CRYBG3: variants seen among roughly 807,000 people sequenced by gnomAD.
CRYBG3 encodes the protein crystallin beta-gamma domain containing 3.
In CRYBG3, 127 loss-of-function variants were observed where a neutral mutation model predicts 244.2. The observed-to-expected ratio is 0.52, with a 90% confidence interval of 0.45 to 0.60. CRYBG3 has a LOEUF of 0.60. Ranked by LOEUF, CRYBG3 falls within the 20% of genes least tolerant of loss-of-function variation. CRYBG3 has a pLI of 0.00. For synonymous variants in CRYBG3, 1,132 were observed against 1,195.8 expected, an observed-to-expected ratio of 0.95 and a Z score of 1.10; for missense variants, 3,325 against 3,442.5, an observed-to-expected ratio of 0.97 and a Z score of 0.85.
At chr3:97,925,624 A>G (rs762692721) in intron 17 of CRYBG3, among the ~76,000 whole-genome samples, 51 of 152,234 alleles carry the variant, frequency 3.4e-4, no homozygotes, top group Non-Finnish European at 6.3e-4. Context: ...TTTAAAAACA[A>G]AAGATGCATA....
At position 97,876,069 on chromosome 3, in the gene CRYBG3, G is replaced by A. The variant is rs922505369; in HGVS notation, c.4875G>A (p.Lys1625=). 7 of 1,231,900 alleles carry A rather than the reference G, an allele frequency of 5.7e-6. No homozygotes were observed. The African/African-American group carries it at 7.8e-5, about 14-fold the overall frequency. The allele number at this position is 1,231,900 out of a possible 1,614,324, so 76.3% of individuals were successfully genotyped here. A position where few individuals can be genotyped will look rare whatever the true frequency, so the allele number is the denominator to read the frequency against. ...ILGMEKAYKM[K]DTEGDIGKIE... Reference sequence around the variant, plus strand: ...GAATGGAAAAAGCTTATAAGATGAAGGATACTGAAGGGGATATTGGCAAAA... The same window carrying A: ...GAATGGAAAAAGCTTATAAGATGAAAGATACTGAAGGGGATATTGGCAAAA... Residue 1625 remains lysine, a synonymous_variant, in exon 4 of 22, where the codon AAG becomes AAA. Transcript: ENST00000389622.
intron 3 of CRYBG3, among the ~76,000 whole-genome samples, chr3:97,869,006 T>C (rs945099435): frequency 6.6e-6 from 1 of 150,934 alleles, no homozygotes; most frequent in Non-Finnish European, 1.5e-5. Context: ...GTTAAAACTT[T>C]GAAAAAAAAA....
intron 1 of CRYBG3, among the ~76,000 whole-genome samples, chr3:97,841,063 T>A (rs1002530292): frequency 6.6e-6 from 1 of 151,882 alleles, no homozygotes; most frequent in Non-Finnish European, 1.5e-5. Flanking sequence ...TATGAGAAAT[T>A]CTTATTTTAT....
chr3:97,924,948 A>G (rs2040022505), intron 17 of CRYBG3, among the ~76,000 whole-genome samples: 1 of 152,070 alleles, frequency 6.6e-6, no homozygotes, highest in South Asian at 2.1e-4. Context: ...ACAGCAAGCC[A>G]CAGAATATAT....
In CRYBG3 at chr3:97,864,377, G is replaced by C; in HGVS notation, c.377G>C (p.Gly126Ala). 1 of 1,535,876 alleles carries C rather than the reference G, an allele frequency of 6.5e-7. No individual in the cohort carries two copies. The highest frequency in any genetic ancestry group is 8.7e-7 in the Non-Finnish European group (1 of 1,146,812). Reference sequence around the variant, plus strand: ...AAAGAAAGCTTTTTTCAGTTTCTTGGTAACTTATTCAATATCTCGGGGAAA... The same window carrying C: ...AAAGAAAGCTTTTTTCAGTTTCTTGCTAACTTATTCAATATCTCGGGGAAA... ...QPKESFFQFL[G>A]NLFNISGKSS... The change falls in exon 3 of 22, where the codon GGT (glycine) becomes GCT (alanine). Residue 126 changes from glycine to alanine, a missense_variant. Physicochemically the swap from Gly to Ala is moderately conservative, Grantham distance 60 (BLOSUM62 0). Transcript: ENST00000389622.
intron 2 of CRYBG3, among the ~76,000 whole-genome samples, chr3:97,859,800 A>G (rs927504035): frequency 1.1e-4 from 16 of 152,162 alleles, no homozygotes; most frequent in African/African-American, 3.6e-4. Context: ...ATAAGGCTTT[A>G]GCCACTCTCC....
intron 10 of CRYBG3, among the ~76,000 whole-genome samples, chr3:97,891,514 A>G (rs933874790): frequency 5.3e-5 from 8 of 152,286 alleles, no homozygotes; most frequent in Admixed American, 2.0e-4. Flanking sequence ...AAAAATAACT[A>G]TAGACGTTAT....
chr3:97,919,810 A>G (rs1315024616), intron 17 of CRYBG3, among the ~76,000 whole-genome samples: 1 of 152,096 alleles, frequency 6.6e-6, no homozygotes, highest in Non-Finnish European at 1.5e-5. Flanking sequence ...TTGTAGAAGA[A>G]AGTTTAAAGG....
At chr3:97,831,649 C>T (rs1173887436) in intron 1 of CRYBG3, among the ~76,000 whole-genome samples, 1 of 152,042 alleles carries the variant, frequency 6.6e-6, no homozygotes, top group East Asian at 1.9e-4. Flanking sequence ...GTGTAATGAT[C>T]AAATCAGGGT....
At chr3:97,862,714 G>A (rs1334594702) in intron 2 of CRYBG3, among the ~76,000 whole-genome samples, 1 of 152,104 alleles carries the variant, frequency 6.6e-6, no homozygotes, top group African/African-American at 2.4e-5. Flanking sequence ...CGGGTGAGGT[G>A]GAGACAACTG....
At chr3:97,856,244 G>A (rs546398455) in intron 2 of CRYBG3, among the ~76,000 whole-genome samples, 1 of 152,206 alleles carries the variant, frequency 6.6e-6, no homozygotes, top group African/African-American at 2.4e-5. Flanking sequence ...GCTCACCAGC[G>A]GTCAGAGTTT....
intron 2 of CRYBG3, among the ~76,000 whole-genome samples, chr3:97,861,977 A>G (rs2039156386): frequency 6.6e-6 from 1 of 152,154 alleles, no homozygotes; most frequent in Non-Finnish European, 1.5e-5. Flanking sequence ...TAAGATTATG[A>G]GGGAAAAATT....
At chr3:97,895,645 ATTATATTTAC>A (rs1161942108) in intron 11 of CRYBG3, among the ~76,000 whole-genome samples, 4 of 152,160 alleles carry the variant, frequency 2.6e-5, no homozygotes, top group African/African-American at 9.6e-5. Context: ...TGCACTTTGT[ATTATATTTAC>A]TTGACACATT....
chr3:97,877,491 A>G lies in CRYBG3; in HGVS notation c.6297A>G (p.Leu2099=). The change falls in exon 4 of 22, where the codon CTA becomes CTG. Residue 2099 remains leucine, a synonymous_variant. Transcript: ENST00000389622. The stretch of plus-strand genomic sequence containing the variant: ...ATGACAGCTCACAGGAGGACATTCT[A>G]TCTAGTGAGGTTTCACCTGGTCACC... ...YEDDSSQEDI[L]SSEVSPGHHG... 8 of 1,614,172 alleles carry G rather than the reference A, an allele frequency of 5.0e-6. No homozygotes were observed. Among genetic ancestry groups the G allele is most frequent in the Middle Eastern group, 1.6e-4 (1 of 6,062 alleles).
chr3:97,826,547 C>T (rs927933391), intron 1 of CRYBG3, among the ~76,000 whole-genome samples: 3 of 152,208 alleles, frequency 2.0e-5, no homozygotes, highest in East Asian at 3.9e-4. Flanking sequence ...ATATAAGAAA[C>T]GTTAGTTACC....
At chr3:97,943,179 G>T in intron 21 of CRYBG3, 47 bp from the exon 22 acceptor site, 2 of 1,068,682 alleles carry the variant, frequency 1.9e-6, no homozygotes, top group Admixed American at 1.9e-5. Context: ...AAATTGCTAA[G>T]CACCTGCCTG....
chr3:97,848,331 T>A (rs2038932383), intron 2 of CRYBG3, among the ~76,000 whole-genome samples: 1 of 152,174 alleles, frequency 6.6e-6, no homozygotes, highest in Non-Finnish European at 1.5e-5. Context: ...GGAGTCTCGC[T>A]CTGTCACCCA....
Position 97,829,961 on chromosome 3 carries a change from G to A in CRYBG3, c.149+7606G>A, listed in dbSNP as rs116519001. On this transcript the variant is annotated intron_variant, in intron 1 of 21. Coordinates refer to ENST00000389622, the MANE Select transcript of CRYBG3 (RefSeq NM_153605.4). ...ATTTAAGCTGTTTCTCCTGGAACAT[G>A]TGTCTAAGTAATGTTTTTCTGTTCT... Among the ~76,000 whole-genome samples, 1,039 of 150,118 alleles carry A rather than the reference G, an allele frequency of 6.9e-3. 7 individuals carry two copies. The highest frequency in any genetic ancestry group is 0.012 in the Non-Finnish European group (776 of 66,468).
intron 19 of CRYBG3, 113 bp from the exon 20 acceptor site, chr3:97,941,035 C>G: frequency 1.3e-6 from 1 of 785,098 alleles, no homozygotes; most frequent in Non-Finnish European, 2.0e-6. Flanking sequence ...AAGAGTGAAA[C>G]TGATATAACT....
Sources: allele counts gnomAD v4.1 joint callset (sites outside exome capture counted in the v4.1 genomes callset), GRCh38; gene constraint gnomAD v4.1.1; transcripts MANE v1.5; gene names NCBI Gene and HGNC (gene_info 2026-07-23, HGNC 2026-07-21).